The following PCDHGA6 variants were observed in gnomAD, a reference collection of about 807,000 sequenced individuals.
PCDHGA6 encodes the protein protocadherin gamma subfamily A, 6, also known as protocadherin gamma-A6.
A neutral mutation model predicts 60.6 loss-of-function variants in PCDHGA6; 41 were observed. The observed-to-expected ratio is 0.68, with a 90% CI of 0.53 to 0.88. The LOEUF (loss-of-function observed/expected upper bound fraction) is 0.88, where lower values mean the gene tolerates loss of function less well. Ranked by LOEUF, PCDHGA6 falls within the 40% of genes least tolerant of loss-of-function variation. The pLI, the probability that PCDHGA6 is intolerant of heterozygous loss-of-function variation, is 0.00. For missense variants in PCDHGA6, 1,312 were observed against 1,203.0 expected (o/e 1.09, Z -1.34); for synonymous variants, 594 against 524.4 (o/e 1.13, Z -1.81).
chr5:141,431,748 G>T lies in PCDHGA6; in HGVS notation c.2424+55241G>T. 1 of 1,614,196 alleles carries T rather than the reference G, an allele frequency of 6.2e-7. No homozygotes were observed. Among genetic ancestry groups the T allele is most frequent in the Non-Finnish European group, 8.5e-7 (1 of 1,180,042 alleles). Reference sequence around the variant, plus strand: ...ATGGATAATGCAGGATATTCTGCGCGAGCCAAAGTCCTGATCACTGTTCTG... The same window carrying T: ...ATGGATAATGCAGGATATTCTGCGCTAGCCAAAGTCCTGATCACTGTTCTG... On this transcript the variant is annotated intron_variant, in intron 1 of 3. Transcript: ENST00000517434. This position sits in a 1 kb window ranked among gnomAD's most constrained non-coding sequence, Gnocchi z 4.8.
At chr5:141,396,954 C>G (rs2093459266) in intron 1 of PCDHGA6, among the ~76,000 whole-genome samples, 1 of 152,172 alleles carries the variant, frequency 6.6e-6, no homozygotes. Flanking sequence ...GAAAGAAAAT[C>G]CTTACTCTCC....
intron 1 of PCDHGA6, chr5:141,420,410 A>G (rs2096494809): frequency 2.4e-6 from 3 of 1,236,296 alleles, no homozygotes; most frequent in South Asian, 4.4e-5. Flanking sequence ...TATGGTTATC[A>G]TTATTAAAAC....
At chr5:141,435,362 C>A (rs2097758711) in intron 1 of PCDHGA6, among the ~76,000 whole-genome samples, 1 of 152,120 alleles carries the variant, frequency 6.6e-6, no homozygotes, top group Admixed American at 6.6e-5. Flanking sequence ...AAAATTTTAT[C>A]ACTTAAATAT....
In PCDHGA6 at chr5:141,447,157, T is replaced by A. The variant is rs569196292; in HGVS notation, c.2425-47650T>A. On this transcript the variant is annotated intron_variant, in intron 1 of 3. Transcript: ENST00000517434. The stretch of plus-strand genomic sequence containing the variant: ...TTTGTTTTTTGTTTTTGTTTTTGTT[T>A]AAGCGGGGTCTTGCTCTTGTCGCGC... Among the ~76,000 whole-genome samples the A allele has an allele frequency of 4.1e-4, 62 of 152,254 alleles. No homozygotes were observed. The South Asian group carries it at 0.013, about 31-fold the overall frequency.
rs375879976 is a variant in PCDHGA6 at position 141,376,437 on chromosome 5, A to C, written c.2354A>C (p.Tyr785Ser). ...YADTLINQESYEKSEPLLITQ... is the reference protein window; with the variant it reads ...YADTLINQESSEKSEPLLITQ... Reference sequence around the variant, plus strand: ...GACACGCTTATCAACCAGGAGAGCTATGAGAAAAGCGAGCCTCTTCTGATA... The same window carrying C: ...GACACGCTTATCAACCAGGAGAGCTCTGAGAAAAGCGAGCCTCTTCTGATA... Residue 785 changes from tyrosine to serine, a missense_variant, in exon 1 of 4, where the codon TAT (tyrosine) becomes TCT (serine). Coordinates refer to ENST00000517434, the MANE Select transcript of PCDHGA6 (RefSeq NM_018919.3). 1 of 1,614,086 alleles carries C rather than the reference A, an allele frequency of 6.2e-7. No homozygotes were observed. Among genetic ancestry groups the C allele is most frequent in the South Asian group, 1.1e-5 (1 of 91,094 alleles).
chr5:141,398,874 C>G (rs1384943457), intron 1 of PCDHGA6: 1 of 1,613,978 alleles, frequency 6.2e-7, no homozygotes, highest in South Asian at 1.1e-5. Context: ...TGTACAGAGT[C>G]AGCCTTCGGG....
chr5:141,511,276 T>C lies in PCDHGA6; in HGVS notation c.*103T>C. On this transcript the variant is annotated 3_prime_UTR_variant, in exon 4 of 4. Coordinates refer to ENST00000517434, the MANE Select transcript of PCDHGA6 (RefSeq NM_018919.3). ...AGAGTTTCAGGGCTAACCCCCAGAA[T>C]ACTGGTAGGGGCCAAGGCCATGCTC... 6.5e-7 allele frequency: 1 copy of C among 1,538,084 alleles called. No homozygotes were observed. Among genetic ancestry groups the C allele is most frequent in the Non-Finnish European group, 8.8e-7 (1 of 1,140,720 alleles).
At chr5:141,459,149 T>C (rs2098961903) in intron 1 of PCDHGA6, among the ~76,000 whole-genome samples, 1 of 152,234 alleles carries the variant, frequency 6.6e-6, no homozygotes, top group Non-Finnish European at 1.5e-5. Context: ...AATCAAAATA[T>C]AGAACATTTC....
In PCDHGA6 at chr5:141,491,081, C is replaced by T; in HGVS notation, c.2425-3726C>T. The T allele has an allele frequency of 6.2e-7, 1 of 1,614,176 alleles. No individual in the cohort carries two copies. The highest frequency in any genetic ancestry group is 8.5e-7 in the Non-Finnish European group (1 of 1,180,010). On this transcript the variant is annotated intron_variant, in intron 1 of 3. Coordinates refer to ENST00000517434, the MANE Select transcript of PCDHGA6 (RefSeq NM_018919.3). The surrounding 1 kb of genome is among the most constrained non-coding windows in gnomAD (Gnocchi z 6.9). Reference sequence around the variant, plus strand: ...TCCTACTCACTGTTGCCACAGTCCACAGCCCCAGGACTGTTCCTCGTGTCT... The same window carrying T: ...TCCTACTCACTGTTGCCACAGTCCATAGCCCCAGGACTGTTCCTCGTGTCT...
At chr5:141,392,864 C>T (rs1328545217) in intron 1 of PCDHGA6, 2 of 1,612,536 alleles carry the variant, frequency 1.2e-6, no homozygotes, top group Non-Finnish European at 1.7e-6. Context: ...TCCTGCTGTG[C>T]GCGCTGCTGG....
chr5:141,445,433 C>A (rs2098466883), intron 1 of PCDHGA6, among the ~76,000 whole-genome samples: 1 of 152,136 alleles, frequency 6.6e-6, no homozygotes, highest in Non-Finnish European at 1.5e-5. Flanking sequence ...AAGGCACTGA[C>A]CTATGGACTA....
chr5:141,394,158 C>G lies in PCDHGA6; in HGVS notation c.2424+17651C>G, dbSNP rs777816337. 1.2e-5 allele frequency: 19 copies of G among 1,613,726 alleles called. No homozygotes were observed. The Admixed American group carries it at 2.0e-4, about 17-fold the overall frequency. On this transcript the variant is annotated intron_variant, in intron 1 of 3. Transcript: ENST00000517434. ...GCACGTGGCAGACATTAACGACAAC[C>G]CTCCTACTTTCCCTCATGCCTCCTA...
intron 1 of PCDHGA6, among the ~76,000 whole-genome samples, chr5:141,442,703 C>A (rs1405830887): frequency 6.6e-6 from 1 of 152,218 alleles, no homozygotes; most frequent in Admixed American, 6.5e-5. Flanking sequence ...ACAAGAGTAT[C>A]AGACATGCCA....
At position 141,403,413 on chromosome 5, in the gene PCDHGA6, T is replaced by G. The variant is rs1467852757; in HGVS notation, c.2424+26906T>G. The G allele has an allele frequency of 1.2e-6, 2 of 1,613,928 alleles. No individual in the cohort carries two copies. Among genetic ancestry groups the G allele is most frequent in the African/African-American group, 2.7e-5 (2 of 74,948 alleles). ...GCGGTTCCTGGAGCACGTTATCCACTTCCAGAAGCTATTGATCCGGATGTT... is the reference window on the plus strand; with the variant it reads ...GCGGTTCCTGGAGCACGTTATCCACGTCCAGAAGCTATTGATCCGGATGTT... On this transcript the variant is annotated intron_variant, in intron 1 of 3. Transcript: ENST00000517434.
chr5:141,459,981 G>C (rs1023972964), intron 1 of PCDHGA6, among the ~76,000 whole-genome samples: 7 of 152,330 alleles, frequency 4.6e-5, no homozygotes, highest in Admixed American at 1.3e-4. Context: ...AGGAGGCTGA[G>C]ACAGGAGAAT....
At chr5:141,407,497 G>GTTTTTTTTTTTTTTTTTTTTTTT (rs1554102286) in intron 1 of PCDHGA6, among the ~76,000 whole-genome samples, 2 of 152,088 alleles carry the variant, frequency 1.3e-5, no homozygotes, top group African/African-American at 4.8e-5. Context: ...CTTTATTTCT[G>GTTTTTTTTTTTTTTTTTTTTTTT]TTTTTCTTAG....
chr5:141,485,431 C>G lies in PCDHGA6; in HGVS notation c.2425-9376C>G, dbSNP rs1594481071. ...ATTTGGACAGCGGAGCCCTGCTCAT[C>G]AAGAACCCAATCGACCGAGAGGCAC... On this transcript the variant is annotated intron_variant, in intron 1 of 3. Coordinates refer to ENST00000517434, the MANE Select transcript of PCDHGA6 (RefSeq NM_018919.3). The surrounding 1 kb of genome is among the most constrained non-coding windows in gnomAD (Gnocchi z 5.7). 8.7e-6 allele frequency: 14 copies of G among 1,614,198 alleles called. No homozygotes were observed. Among genetic ancestry groups the G allele is most frequent in the Non-Finnish European group, 1.1e-5 (13 of 1,180,038 alleles).
In PCDHGA6 at chr5:141,432,250, A is replaced by G. The variant is rs777728825; in HGVS notation, c.2424+55743A>G. 2 of 1,614,234 alleles carry G rather than the reference A, an allele frequency of 1.2e-6. No homozygotes were observed. Among genetic ancestry groups the G allele is most frequent in the Admixed American group, 1.7e-5 (1 of 60,026 alleles). ...ATTCCCTGGCTGAGAACACCATCCA[A>G]GGGGCAAGCCTATCGTCCTACGTGT... On this transcript the variant is annotated intron_variant, in intron 1 of 3. Transcript: ENST00000517434. The surrounding 1 kb of genome is among the most constrained non-coding windows in gnomAD (Gnocchi z 6.0).
At chr5:141,394,855 C>A in intron 1 of PCDHGA6, 1 of 1,613,778 alleles carries the variant, frequency 6.2e-7, no homozygotes, top group Non-Finnish European at 8.5e-7. Flanking sequence ...CTGAAGCCTT[C>A]GGTCGACCCG....
Sources: allele counts gnomAD v4.1 joint callset (sites outside exome capture counted in the v4.1 genomes callset), GRCh38; gene constraint gnomAD v4.1.1; non-coding constraint Gnocchi (gnomAD v3.1); transcripts MANE v1.5; gene names NCBI Gene and HGNC (gene_info 2026-07-23, HGNC 2026-07-21).